UBXN8: variants seen among roughly 807,000 people sequenced by gnomAD.
UBXN8 encodes UBX domain protein 8, also known as UBX domain-containing protein 8.
In UBXN8, 27 loss-of-function variants were observed where a neutral mutation model predicts 32.1. The observed-to-expected ratio is 0.84, with a 90% confidence interval of 0.62 to 1.16. The LOEUF is 1.16. Ranked by LOEUF, UBXN8 falls within the 50% of genes most tolerant of loss-of-function variation. The probability of loss-of-function intolerance (pLI) is 0.00; values close to 1 mark genes in which losing one functional copy is unlikely to be tolerated. For missense variants in UBXN8, 306 were observed against 311.4 expected (o/e 0.98, Z 0.13); for synonymous variants, 109 against 111.8 (o/e 0.98, Z 0.16).
chr8:30,743,485 T>C (rs1805262152), upstream of UBXN8, among the ~76,000 whole-genome samples: 1 of 152,142 alleles, frequency 6.6e-6, no homozygotes, highest in African/African-American at 2.4e-5. Context: ...CGAAATGTTG[T>C]AGATTGGGAG....
exon 1 of UBXN8, chr8:30,733,040 A>G (rs577362596): frequency 2.6e-5 from 4 of 152,296 alleles, no homozygotes; most frequent in Non-Finnish European, 5.9e-5. Flanking sequence ...TGTTCCCAGT[A>G]TCAGAGAGCC....
upstream of UBXN8, among the ~76,000 whole-genome samples, chr8:30,740,637 A>G (rs1311255157): frequency 6.6e-6 from 1 of 151,524 alleles, no homozygotes; most frequent in South Asian, 2.1e-4. Flanking sequence ...AGGTGAGATG[A>G]TCGCTTGAGC....
chr8:30,749,705 A>G (rs1165598403), intron 1 of UBXN8, among the ~76,000 whole-genome samples: 1 of 150,592 alleles, frequency 6.6e-6, no homozygotes, highest in East Asian at 2.0e-4. Flanking sequence ...TCACAGGTTC[A>G]TGACATTTTC....
At chr8:30,752,149 C>T (rs1232831176) in intron 2 of UBXN8, among the ~76,000 whole-genome samples, 11 of 152,198 alleles carry the variant, frequency 7.2e-5, no homozygotes, top group South Asian at 4.1e-4. Flanking sequence ...CTCGGCCTCC[C>T]GATGTGTTGG....
intron 2 of UBXN8, 80 bp downstream of exon 2, chr8:30,751,598 A>G (rs951387516): frequency 6.0e-6 from 7 of 1,162,656 alleles, no homozygotes; most frequent in African/African-American, 3.1e-5. Flanking sequence ...AGTAAGAGCC[A>G]TTTTACTATT....
At chr8:30,740,095 T>TG (rs113048590), upstream of UBXN8, among the ~76,000 whole-genome samples, 35,815 of 151,590 alleles carry the variant, frequency 0.24, 4,937 homozygotes, top group African/African-American at 0.39. Context: ...TTTGTAGAGA[T>TG]GGGGTCTCAC....
At chr8:30,741,136 C>T (rs1009480839), upstream of UBXN8, among the ~76,000 whole-genome samples, 5 of 141,068 alleles carry the variant, frequency 3.5e-5, 1 homozygote, top group South Asian at 9.4e-4. Flanking sequence ...CTATAAAAAT[C>T]GCCCTCTGTA....
intron 1 of UBXN8, chr8:30,734,142 C>T (rs182099513): frequency 6.6e-6 from 1 of 152,390 alleles, no homozygotes; most frequent in East Asian, 1.9e-4. Flanking sequence ...AAGGAAGGTC[C>T]AGGTCACAGG....
intron 5 of UBXN8, among the ~76,000 whole-genome samples, chr8:30,758,206 A>G (rs984819417): frequency 1.3e-5 from 2 of 152,186 alleles, no homozygotes; most frequent in Admixed American, 6.5e-5. Flanking sequence ...GAAAATACTC[A>G]ATTCTTTTTA....
rs375716737 is a variant in UBXN8, at chr8:30,760,871, C to T, written c.529-17C>T. 5 of 1,514,696 alleles carry T rather than the reference C, an allele frequency of 3.3e-6. No homozygotes were observed. The African/African-American group carries it at 6.9e-5, about 21-fold the overall frequency. 93.8% of individuals were successfully genotyped at this position (1,514,696 alleles called of 1,614,324 possible). ...GTTGAACATGTTTACATTCCTCTTACCAATACTTTTCTTTAGATTCCTGAT... is the reference window on the plus strand; with the variant it reads ...GTTGAACATGTTTACATTCCTCTTATCAATACTTTTCTTTAGATTCCTGAT... On this transcript the variant is annotated splice_polypyrimidine_tract_variant and intron_variant, in intron 5 of 7. Coordinates refer to ENST00000265616, the MANE Select transcript of UBXN8 (RefSeq NM_005671.4).
intron 1 of UBXN8, 38 bp from the exon 2 acceptor site, chr8:30,751,358 A>T: frequency 1.3e-6 from 2 of 1,526,420 alleles, no homozygotes; most frequent in Non-Finnish European, 1.8e-6. Context: ...TTAAAAAAAA[A>T]GTTTTGAATT....
upstream of UBXN8, among the ~76,000 whole-genome samples, chr8:30,743,673 T>C (rs1805268812): frequency 1.3e-5 from 2 of 152,176 alleles, no homozygotes; most frequent in Admixed American, 1.3e-4. Context: ...GGGCAGGTAT[T>C]TGGAGCCAGG....
chr8:30,756,614 T>C, intron 4 of UBXN8, 151 bp from the exon 5 acceptor site: 1 of 1,113,058 alleles, frequency 9.0e-7, no homozygotes, highest in Non-Finnish European at 1.3e-6. Flanking sequence ...ACGGAGATAA[T>C]GCTTTAATTT....
chr8:30,733,074 G>A (rs1805002786), exon 1 of UBXN8: 1 of 152,276 alleles, frequency 6.6e-6, no homozygotes, highest in Admixed American at 6.5e-5. Flanking sequence ...CTGTGTAGAA[G>A]TGTTGGACTC....
At position 30,766,906 on chromosome 8, in the gene UBXN8, A is replaced by G. The variant is rs1806024771; in HGVS notation, c.*512A>G. 6.6e-6 allele frequency: 1 copy of G among 152,244 alleles called. No individual in the cohort carries two copies. The highest frequency in any genetic ancestry group is 2.1e-4 in the South Asian group (1 of 4,840). 9.4% of individuals were successfully genotyped at this position (152,244 alleles called of 1,614,324 possible). ...TTTACTTAACTGATGTTTGCGATTT[A>G]TATAATTTTGCCTTGTATTAAATGT... On this transcript the variant is annotated 3_prime_UTR_variant, in exon 8 of 8. Transcript: ENST00000265616.
At position 30,753,832 on chromosome 8, in the gene UBXN8, G is replaced by T. The variant is rs571984887; in HGVS notation, c.282+727G>T. 2.5e-3 allele frequency among the ~76,000 whole-genome samples: 369 copies of T among 149,260 alleles called. 3 individuals are homozygous for T. Among genetic ancestry groups the T allele is most frequent in the Non-Finnish European group, 4.5e-3 (303 of 67,642 alleles). The stretch of plus-strand genomic sequence containing the variant: ...CTGTTGCCCAGGCTGGGGTGGAGTG[G>T]TACAACCATACCTCACTGTCGCCTC... On this transcript the variant is annotated intron_variant, in intron 3 of 7. Transcript: ENST00000265616.
intron 1 of UBXN8, among the ~76,000 whole-genome samples, chr8:30,750,806 TA>T (rs1445267739): frequency 3.2e-5 from 2 of 62,088 alleles, no homozygotes; most frequent in Non-Finnish European, 6.2e-5. Context: ...CCCTGTCTCT[TA>T]AAAAAAGAAG....
chr8:30,750,371 A>G (rs906049928), intron 1 of UBXN8, among the ~76,000 whole-genome samples: 9 of 152,114 alleles, frequency 5.9e-5, no homozygotes, highest in East Asian at 1.9e-4. Context: ...ACTTGGGGGC[A>G]CTAAGGCAGG....
At chr8:30,765,448 A>G (rs1805973482) in intron 7 of UBXN8, among the ~76,000 whole-genome samples, 1 of 149,052 alleles carries the variant, frequency 6.7e-6, no homozygotes, top group Admixed American at 6.7e-5. Context: ...TAATTTTTGT[A>G]TTTTTTGTAG....
Sources: allele counts gnomAD v4.1 joint callset (sites outside exome capture counted in the v4.1 genomes callset), GRCh38; gene constraint gnomAD v4.1.1; transcripts MANE v1.5; gene names NCBI Gene and HGNC (gene_info 2026-07-23, HGNC 2026-07-21).